Variants in ARFGEF3 observed in about 807,000 individuals in gnomAD.
ARFGEF3 encodes ARFGEF family member 3, also known as brefeldin A-inhibited guanine nucleotide-exchange protein 3.
ARFGEF3 carries 96 observed loss-of-function variants against 221.7 expected under a neutral mutation model. That is an observed-to-expected ratio of 0.43 (90% confidence interval 0.37 to 0.51). ARFGEF3 has a LOEUF of 0.51. ARFGEF3 is among the 20% of genes least tolerant of loss of function. The pLI is 0.00. For synonymous variants in ARFGEF3, 1,145 were observed against 1,126.8 expected, an observed-to-expected ratio of 1.02 and a Z score of -0.32; for missense variants, 2,410 against 2,789.9, an observed-to-expected ratio of 0.86 and a Z score of 3.07.
chr6:138,187,355 G>A (rs1016046737), intron 2 of ARFGEF3, among the ~76,000 whole-genome samples: 1 of 152,188 alleles, frequency 6.6e-6, no homozygotes, highest in African/African-American at 2.4e-5. Context: ...GAGGGAGTTG[G>A]ACCAGAGTCC....
At chr6:138,270,857 A>G (rs1316817870) in intron 12 of ARFGEF3, among the ~76,000 whole-genome samples, 4 of 152,194 alleles carry the variant, frequency 2.6e-5, no homozygotes, top group South Asian at 2.1e-4. Flanking sequence ...ATGGCTGTCA[A>G]GACTCTAAAA....
At chr6:138,198,009 T>G (rs1777463086) in intron 2 of ARFGEF3, among the ~76,000 whole-genome samples, 1 of 152,218 alleles carries the variant, frequency 6.6e-6, no homozygotes, top group Non-Finnish European at 1.5e-5. Context: ...TGATTTGCAT[T>G]GGTGTATATT....
intron 1 of ARFGEF3, among the ~76,000 whole-genome samples, chr6:138,164,610 G>A (rs186192238): frequency 6.6e-6 from 1 of 152,316 alleles, no homozygotes; most frequent in East Asian, 1.9e-4. Flanking sequence ...TATGTTGGGT[G>A]CAAGAGACAA....
intron 12 of ARFGEF3, among the ~76,000 whole-genome samples, chr6:138,265,057 C>G (rs1778864878): frequency 6.6e-6 from 1 of 152,054 alleles, no homozygotes; most frequent in Admixed American, 6.5e-5. Flanking sequence ...GCGCCCACCA[C>G]CACACCGGGC....
rs1779396612 is a variant in ARFGEF3 at position 138,291,142 on chromosome 6, A to G, written c.3048-591A>G. ...ATTTAGGAGTTGGCAGTTGTAGCAC[A>G]TGTGGTGACCCTTCTCTGTGTCTGC... On this transcript the variant is annotated intron_variant, in intron 18 of 33. Transcript: ENST00000251691. This position sits in a 1 kb window ranked among gnomAD's most constrained non-coding sequence, Gnocchi z 4.5. 2.0e-5 allele frequency among the ~76,000 whole-genome samples: 3 copies of G among 152,034 alleles called. No homozygotes were observed. The South Asian group carries it at 6.2e-4, about 32-fold the overall frequency.
intron 13 of ARFGEF3, among the ~76,000 whole-genome samples, chr6:138,279,408 C>T (rs1012409274): frequency 4.6e-5 from 7 of 152,206 alleles, no homozygotes; most frequent in African/African-American, 1.7e-4. Flanking sequence ...GGCTGTTGCT[C>T]ATAAGCACTT....
At chr6:138,278,345 T>C (rs1779134568) in intron 12 of ARFGEF3, 106 bp from the exon 13 acceptor site, 3 of 991,440 alleles carry the variant, frequency 3.0e-6, no homozygotes, top group South Asian at 2.9e-5. Flanking sequence ...TACAGAAATA[T>C]CCTATTGATG....
At chr6:138,316,813 G>T (rs1779934230) in intron 26 of ARFGEF3, among the ~76,000 whole-genome samples, 2 of 152,170 alleles carry the variant, frequency 1.3e-5, no homozygotes. Context: ...GCACAACATT[G>T]TTGTCATGAA....
At chr6:138,264,779 G>A (rs889497948) in intron 12 of ARFGEF3, among the ~76,000 whole-genome samples, 1 of 152,136 alleles carries the variant, frequency 6.6e-6, no homozygotes, top group African/African-American at 2.4e-5. Context: ...AACTTGGTTA[G>A]AAGCTGACTG....
At chr6:138,324,604 C>A (rs557290857) in intron 31 of ARFGEF3, among the ~76,000 whole-genome samples, 59 of 152,334 alleles carry the variant, frequency 3.9e-4, no homozygotes, top group Non-Finnish European at 7.9e-4. Context: ...CATTAAAATT[C>A]AAGTGTATTC....
chr6:138,257,139 G>A (rs1583035061), intron 10 of ARFGEF3, among the ~76,000 whole-genome samples: 1 of 152,138 alleles, frequency 6.6e-6, no homozygotes, highest in African/African-American at 2.4e-5. Flanking sequence ...GGCAATGGAG[G>A]TCAAAAGGCC....
At chr6:138,258,648 C>T (rs1436511082) in intron 10 of ARFGEF3, among the ~76,000 whole-genome samples, 25 of 152,232 alleles carry the variant, frequency 1.6e-4, no homozygotes, top group Admixed American at 1.6e-3. Flanking sequence ...CTTCTTGACT[C>T]CTCAACTATA....
chr6:138,286,423 C>A (rs1431945513), intron 15 of ARFGEF3, among the ~76,000 whole-genome samples: 1 of 145,740 alleles, frequency 6.9e-6, no homozygotes, highest in African/African-American at 2.6e-5. Flanking sequence ...GCACTCCAGC[C>A]TGGGTGACAG....
chr6:138,293,968 C>G (rs774368594), intron 19 of ARFGEF3, 25 bp from the exon 20 acceptor site: 2 of 1,607,146 alleles, frequency 1.2e-6, no homozygotes, highest in South Asian at 2.2e-5. Flanking sequence ...TTCCAAAGAA[C>G]ACATCTCTTT....
Position 138,263,287 on chromosome 6 carries a change from G to C in ARFGEF3, c.1804G>C (p.Asp602His). 1 of 1,613,990 alleles carries C rather than the reference G, an allele frequency of 6.2e-7. No individual in the cohort carries two copies. Among genetic ancestry groups the C allele is most frequent in the Non-Finnish European group, 8.5e-7 (1 of 1,179,904 alleles). The part of the protein sequence containing the change: ...SESNFSVDDQ[D>H]LSRTEFDSCD... ...GAGCAATTTTAGCGTTGATGACCAA[G>C]ACCTTTCTAGGACAGAGTTTGATTC... The change falls in exon 12 of 34, where the codon GAC becomes CAC. Residue 602 changes from aspartate to histidine, a missense_variant. Physicochemically the swap from Asp to His is moderately conservative, Grantham distance 81. Transcript: ENST00000251691.
intron 26 of ARFGEF3, among the ~76,000 whole-genome samples, chr6:138,316,550 TG>T (rs1203037547): frequency 3.3e-5 from 5 of 152,212 alleles, no homozygotes; most frequent in African/African-American, 1.2e-4. Flanking sequence ...TGTATATCTT[TG>T]CTCTCTCTTC....
chr6:138,265,725 C>T (rs191312491), intron 12 of ARFGEF3, among the ~76,000 whole-genome samples: 2 of 152,008 alleles, frequency 1.3e-5, no homozygotes, highest in South Asian at 2.1e-4. Context: ...ATGCTAAGGT[C>T]CCAAGATATG....
chr6:138,295,882 C>T (rs1779502881), intron 20 of ARFGEF3, among the ~76,000 whole-genome samples: 1 of 152,174 alleles, frequency 6.6e-6, no homozygotes, highest in Non-Finnish European at 1.5e-5. Flanking sequence ...TATTGAGGGT[C>T]CCCAAGGGGT....
chr6:138,180,566 T>G (rs1777058326), intron 2 of ARFGEF3, among the ~76,000 whole-genome samples: 1 of 152,132 alleles, frequency 6.6e-6, no homozygotes, highest in African/African-American at 2.4e-5. Context: ...TGAGTCAAAC[T>G]CTGTTGAGTT....
Sources: allele counts gnomAD v4.1 joint callset (sites outside exome capture counted in the v4.1 genomes callset), GRCh38; gene constraint gnomAD v4.1.1; non-coding constraint Gnocchi (gnomAD v3.1); transcripts MANE v1.5; gene names NCBI Gene and HGNC (gene_info 2026-07-23, HGNC 2026-07-21).